The following CCDC70 variants were observed in gnomAD, a reference collection of about 807,000 sequenced individuals.
The protein encoded by CCDC70 is coiled-coil domain containing 70.
Under a neutral mutation model 9.1 loss-of-function variants are expected in CCDC70, and 4 were observed. The observed-to-expected ratio is 0.44, with a 90% CI of 0.22 to 1.00. The LOEUF (loss-of-function observed/expected upper bound fraction) is 1.00, where lower values mean the gene tolerates loss of function less well. Among genes scored for constraint, CCDC70 ranks in the 50% least tolerant of loss-of-function variants. The pLI is 0.25. For synonymous variants in CCDC70, 119 were observed against 94.0 expected, an observed-to-expected ratio of 1.27 and a Z score of -1.54; for missense variants, 308 against 271.3, an observed-to-expected ratio of 1.14 and a Z score of -0.95.
chr13:51,865,199 G>T, intron 1 of CCDC70, 133 bp from the exon 2 acceptor site: 1 of 539,360 alleles, frequency 1.9e-6, no homozygotes, highest in Non-Finnish European at 3.2e-6. Flanking sequence ...TTCTACCAAA[G>T]CTTGTCCCTC....
rs1375422359 is a variant in CCDC70 at position 51,865,559 on chromosome 13, A to G, written c.148A>G (p.Lys50Glu). The part of the protein sequence containing the change: ...FREEMKIFRE[K>E]IEDFREEMWT... ...CGAAGAGATGAAAATTTTTCGTGAA[A>G]AAATAGAGGACTTCAGGGAAGAGAT... Residue 50 changes from lysine (K) to glutamate (E), a missense_variant, in exon 2 of 2, where the codon AAA (lysine) becomes GAA (glutamate). Physicochemically the swap from Lys to Glu is moderately conservative, Grantham distance 56. Coordinates refer to ENST00000242819, the MANE Select transcript of CCDC70 (RefSeq NM_031290.4). 6 of 1,614,116 alleles carry G rather than the reference A, an allele frequency of 3.7e-6. No individual in the cohort carries two copies. In the African/African-American group the frequency reaches 6.7e-5, roughly 18 times the overall value.
Position 51,865,823 on chromosome 13 carries a change from C to G in CCDC70, c.412C>G (p.Leu138Val). 1.2e-6 allele frequency: 2 copies of G among 1,614,196 alleles called. No homozygotes were observed. The highest frequency in any genetic ancestry group is 1.7e-6 in the Non-Finnish European group (2 of 1,180,036). The change falls in exon 2 of 2, where the codon CTT becomes GTT. Residue 138 changes from leucine (L) to valine (V), a missense_variant. Coordinates refer to ENST00000242819, the MANE Select transcript of CCDC70 (RefSeq NM_031290.4). ...TGCCTTATGGGAAAGAGACCGGAAC[C>G]TTCTTCAGGAGGACAAGGCCCTGTG... is the stretch of plus-strand genomic sequence containing the variant. ...DNALWERDRN[L>V]LQEDKALWEE...
rs895952733 is a variant in CCDC70, at chr13:51,863,022, G to A, written c.-81+793G>A. ...AGACAGACAGTATCGCAGAGGTGGCGAGGAACTTTGTCTGGAGGGTCCGAG... is the reference window on the plus strand; with the variant it reads ...AGACAGACAGTATCGCAGAGGTGGCAAGGAACTTTGTCTGGAGGGTCCGAG... On this transcript the variant is annotated intron_variant, in intron 1 of 1. Coordinates refer to ENST00000242819, the MANE Select transcript of CCDC70 (RefSeq NM_031290.4). Among the ~76,000 whole-genome samples, 37 of 152,218 alleles carry A rather than the reference G, an allele frequency of 2.4e-4. 1 individual carries two copies. Among genetic ancestry groups the A allele is most frequent in the Admixed American group, 2.2e-3 (34 of 15,282 alleles).
At chr13:51,862,982 T>C (rs1204647541) in intron 1 of CCDC70, among the ~76,000 whole-genome samples, 1 of 152,038 alleles carries the variant, frequency 6.6e-6, no homozygotes, top group Non-Finnish European at 1.5e-5. Flanking sequence ...GTGTGACAAG[T>C]AATAGTGGAG....
rs137987090 is a variant in CCDC70, at chr13:51,865,881, G to C, written c.470G>C (p.Arg157Thr). 3 of 1,613,516 alleles carry C rather than the reference G, an allele frequency of 1.9e-6. No individual in the cohort carries two copies. In the South Asian group the frequency reaches 3.3e-5, roughly 18 times the overall value. Residue 157 changes from arginine (R) to threonine (T), a missense_variant, in exon 2 of 2, where the codon AGA (arginine) becomes ACA (threonine). Coordinates refer to ENST00000242819, the MANE Select transcript of CCDC70 (RefSeq NM_031290.4). ...EEEKALWVEERALLEGEKALW... is the reference protein window; with the variant it reads ...EEEKALWVEETALLEGEKALW... ...GAAAAGGCCCTGTGGGTAGAGGAAAGAGCCCTCCTTGAGGGGGAGAAAGCC... is the reference window on the plus strand; with the variant it reads ...GAAAAGGCCCTGTGGGTAGAGGAAACAGCCCTCCTTGAGGGGGAGAAAGCC...
At chr13:51,864,351 C>T (rs1347544807) in intron 1 of CCDC70, among the ~76,000 whole-genome samples, 1 of 152,202 alleles carries the variant, frequency 6.6e-6, no homozygotes, top group East Asian at 1.9e-4. Flanking sequence ...ATCCCACACT[C>T]CAAATCCTCC....
Position 51,865,029 on chromosome 13 carries a change from C to T in CCDC70, c.-80-303C>T, listed in dbSNP as rs561052194. On this transcript the variant is annotated intron_variant, in intron 1 of 1. Transcript: ENST00000242819. ...AATTCATTCGGATTGATTTAACAAA[C>T]GTAAATTCTTCTTGGCCTCATCATG... Among the ~76,000 whole-genome samples the T allele has an allele frequency of 1.1e-4, 16 of 152,274 alleles. No homozygotes were observed. In the South Asian group the frequency reaches 2.7e-3, roughly 26 times the overall value.
Position 51,866,023 on chromosome 13 carries a change from GC to G in CCDC70, c.616del (p.His206ThrfsTer55). On this transcript the variant is annotated frameshift_variant, in exon 2 of 2. Coordinates refer to ENST00000242819, the MANE Select transcript of CCDC70 (RefSeq NM_031290.4). LOFTEE classifies it low-confidence loss of function (END_TRUNC). ...CCGGAGAGCAGATGCTCGAAGATGG[GC>G]CCCACAACGCCAACAGAGGGCAGCG... ...IAGEQMLEDG[P>X]HNANRGQRLL... 1 of 1,607,738 alleles carries G rather than the reference GC, an allele frequency of 6.2e-7. No homozygotes were observed. Among genetic ancestry groups the G allele is most frequent in the Non-Finnish European group, 8.5e-7 (1 of 1,177,770 alleles).
rs201413781 is a variant in CCDC70, at chr13:51,865,386, C to T, written c.-26C>T. The T allele has an allele frequency of 2.5e-6, 4 of 1,590,486 alleles. No homozygotes were observed. The highest frequency in any genetic ancestry group is 2.7e-5 in the African/African-American group (2 of 74,218). On this transcript the variant is annotated 5_prime_UTR_variant, in exon 2 of 2. Coordinates refer to ENST00000242819, the MANE Select transcript of CCDC70 (RefSeq NM_031290.4). ...AGGGTCCTGTCATCCCTCATGGCCACCCCGCCATTCCGGCTGATAAGGAAG... is the reference window on the plus strand; with the variant it reads ...AGGGTCCTGTCATCCCTCATGGCCATCCCGCCATTCCGGCTGATAAGGAAG...
In CCDC70 at chr13:51,865,564, AGAG is replaced by A; in HGVS notation, c.156_158del (p.Glu52del). On this transcript the variant is annotated inframe_deletion, in exon 2 of 2. Transcript: ENST00000242819. ...AGATGAAAATTTTTCGTGAAAAAATAGAGGACTTCAGGGAAGAGATGTGGACTT... is the reference window on the plus strand; with the variant it reads ...AGATGAAAATTTTTCGTGAAAAAATAGACTTCAGGGAAGAGATGTGGACTT... The A allele has an allele frequency of 6.2e-7, 1 of 1,614,230 alleles. No homozygotes were observed. The highest frequency in any genetic ancestry group is 8.5e-7 in the Non-Finnish European group (1 of 1,180,036).
Position 51,866,044 on chromosome 13 carries a change from G to A in CCDC70, c.633G>A (p.Gly211=), listed in dbSNP as rs1386353332. Residue 211 remains glycine (G), a synonymous_variant, in exon 2 of 2, where the codon GGG becomes GGA. Transcript: ENST00000242819. ...ATGGGCCCCACAACGCCAACAGAGG[G>A]CAGCGCTTGCTGGCCTTCTCCCGAG... is the stretch of plus-strand genomic sequence containing the variant. ...LEDGPHNANR[G]QRLLAFSRGR... is the part of the protein sequence containing the mutation. 3.8e-6 allele frequency: 6 copies of A among 1,597,828 alleles called. No individual in the cohort carries two copies. The African/African-American group carries it at 8.1e-5, about 22-fold the overall frequency.
Position 51,866,187 on chromosome 13 carries a change from C to T in CCDC70, c.*107C>T, listed in dbSNP as rs1250022598. On this transcript the variant is annotated 3_prime_UTR_variant, in exon 2 of 2. Transcript: ENST00000242819. ...AAATACACACTCATTGGTCTCCTTG[C>T]TTTGAAAGATCCAATAAAGTCCTGA... 2 of 951,892 alleles carry T rather than the reference C, an allele frequency of 2.1e-6. No individual in the cohort carries two copies. Among genetic ancestry groups the T allele is most frequent in the Admixed American group, 6.1e-5 (2 of 32,826 alleles). 59.0% of individuals were successfully genotyped at this position (951,892 alleles called of 1,614,324 possible). A position where few individuals can be genotyped will look rare whatever the true frequency, so the allele number is the denominator to read the frequency against.
chr13:51,864,994 C>T (rs1032531459), intron 1 of CCDC70, among the ~76,000 whole-genome samples: 2 of 152,208 alleles, frequency 1.3e-5, no homozygotes, highest in African/African-American at 4.8e-5. Flanking sequence ...AGTGAGTACA[C>T]CAAAACCTAA....
rs35041555 is a variant in CCDC70 at position 51,863,672 on chromosome 13, GACACACACAC to G, written c.-81+1472_-81+1481del. On this transcript the variant is annotated intron_variant, in intron 1 of 1. Transcript: ENST00000242819. Reference sequence around the variant, plus strand: ...GTGTCTTCATATGCACGCGCACACAGACACACACACACACACACACACACACACACACACA... The same window carrying G: ...GTGTCTTCATATGCACGCGCACACAGACACACACACACACACACACACACA... Among the ~76,000 whole-genome samples, 174 of 134,386 alleles carry G rather than the reference GACACACACAC, an allele frequency of 1.3e-3. 2 individuals are homozygous for G. Among genetic ancestry groups the G allele is most frequent in the East Asian group, 3.6e-3 (15 of 4,210 alleles). 88.2% of individuals were successfully genotyped at this position (134,386 alleles called of 152,430 possible).
chr13:51,865,636 T>TTGGGAAGAGGAGAGACCTTTC lies in CCDC70; in HGVS notation c.239_259dup (p.Arg80_Glu86dup), dbSNP rs750263900. On this transcript the variant is annotated inframe_insertion, in exon 2 of 2. Coordinates refer to ENST00000242819, the MANE Select transcript of CCDC70 (RefSeq NM_031290.4). ...CTTTCCGGGGCCAGATCCTGGGTTT[T>TTGGGAAGAGGAGAGACCTTTC]TGGGAAGAGGAGAGACCTTTCTGGG... is the stretch of plus-strand genomic sequence containing the variant. 1 of 1,614,010 alleles carries TTGGGAAGAGGAGAGACCTTTC rather than the reference T, an allele frequency of 6.2e-7. No individual in the cohort carries two copies. Among genetic ancestry groups the TTGGGAAGAGGAGAGACCTTTC allele is most frequent in the East Asian group, 2.2e-5 (1 of 44,886 alleles).
intron 1 of CCDC70, among the ~76,000 whole-genome samples, chr13:51,863,662 C>T (rs943638433): frequency 4.7e-5 from 6 of 128,638 alleles, no homozygotes; most frequent in East Asian, 2.2e-4. Context: ...TTCATATGCA[C>T]GCGCACACAG....
intron 1 of CCDC70, among the ~76,000 whole-genome samples, chr13:51,864,092 C>T (rs1161001306): frequency 6.6e-6 from 1 of 150,478 alleles, no homozygotes; most frequent in Admixed American, 6.6e-5. Flanking sequence ...CCTTCCTTCC[C>T]TCCCTTCCTT....
At chr13:51,863,665 GCACACAGA>G (rs1420540267) in intron 1 of CCDC70, among the ~76,000 whole-genome samples, 1 of 103,766 alleles carries the variant, frequency 9.6e-6, no homozygotes, top group South Asian at 3.2e-4. Context: ...ATATGCACGC[GCACACAGA>G]CACACACACA....
chr13:51,863,732 C>T (rs991820341), intron 1 of CCDC70, among the ~76,000 whole-genome samples: 1 of 151,632 alleles, frequency 6.6e-6, no homozygotes, highest in Non-Finnish European at 1.5e-5. Flanking sequence ...CTTTTCTCCT[C>T]CTCCACTCCC....
Sources: allele counts gnomAD v4.1 joint callset (sites outside exome capture counted in the v4.1 genomes callset), GRCh38; gene constraint gnomAD v4.1.1; transcripts MANE v1.5; gene names NCBI Gene and HGNC (gene_info 2026-07-23, HGNC 2026-07-21).